The following MAP2K1 variants were observed in gnomAD, a reference collection of about 807,000 sequenced individuals.
MAP2K1 encodes the protein dual specificity mitogen-activated protein kinase kinase 1.
Under a neutral mutation model 46.3 loss-of-function variants are expected in MAP2K1, and 16 were observed. That is an observed-to-expected ratio of 0.35 (90% CI 0.23 to 0.52). The LOEUF (loss-of-function observed/expected upper bound fraction) is 0.52. MAP2K1 is among the 20% of genes least tolerant of loss of function. MAP2K1 has a pLI of 0.94. For missense variants in MAP2K1, 263 were observed against 497.1 expected, an observed-to-expected ratio of 0.53 and a Z score of 4.48; for synonymous variants, 183 against 185.6, an observed-to-expected ratio of 0.99 and a Z score of 0.11.
At chr15:66,397,115 C>T (rs2093369773) in intron 1 of MAP2K1, among the ~76,000 whole-genome samples, 1 of 148,486 alleles carries the variant, frequency 6.7e-6, no homozygotes, top group Non-Finnish European at 1.5e-5. Flanking sequence ...CGCCATTCTC[C>T]TGCCTCAGCT....
At chr15:66,395,071 C>T (rs949566018) in intron 1 of MAP2K1, among the ~76,000 whole-genome samples, 1 of 152,186 alleles carries the variant, frequency 6.6e-6, no homozygotes, top group Non-Finnish European at 1.5e-5. Context: ...GAAGAAGATA[C>T]TGTGGTAGAG....
rs544205621 is a variant in MAP2K1, at chr15:66,435,371, C to T, written c.291+134C>T. 243 of 558,134 alleles carry T rather than the reference C, an allele frequency of 4.4e-4. 2 individuals carry two copies. The highest frequency in any genetic ancestry group is 1.2e-3 in the Admixed American group (38 of 31,736). The allele number at this position is 558,134 out of a possible 1,614,324, so 34.6% of individuals were successfully genotyped here. A position where few individuals can be genotyped will look rare whatever the true frequency, so the allele number is the denominator to read the frequency against. On this transcript the variant is annotated intron_variant, in intron 2 of 10. Coordinates refer to ENST00000307102, the MANE Select transcript of MAP2K1 (RefSeq NM_002755.4). ...TTTGAATTTTTTTTTTTTTTTAAGA[C>T]GGAGTTTCATTCTTGTTGCCCAGGC...
rs67373670 is a variant in MAP2K1 at position 66,428,271 on chromosome 15, C to CGTGTGTGTGT, written c.81-6711_81-6702dup. 2.9e-3 allele frequency among the ~76,000 whole-genome samples: 360 copies of CGTGTGTGTGT among 122,374 alleles called. 4 individuals are homozygous for CGTGTGTGTGT. The highest frequency in any genetic ancestry group is 4.8e-3 in the Non-Finnish European group (286 of 59,070). 80.3% of individuals were successfully genotyped at this position (122,374 alleles called of 152,430 possible). On this transcript the variant is annotated intron_variant, in intron 1 of 10. Coordinates refer to ENST00000307102, the MANE Select transcript of MAP2K1 (RefSeq NM_002755.4). ...AGAAACAGAACCAACAGCAGTTGTG[C>CGTGTGTGTGT]GTGTGTGTGTGTGTGTGTGTGTGTG...
intron 1 of MAP2K1, among the ~76,000 whole-genome samples, chr15:66,389,423 A>G (rs1009356531): frequency 4.6e-5 from 7 of 152,056 alleles, no homozygotes; most frequent in African/African-American, 7.2e-5. Flanking sequence ...AAGGAGGAGG[A>G]ATTTCATTAA....
rs41277720 is a variant in MAP2K1, at chr15:66,481,637, G to A, written c.569-118G>A. The A allele has an allele frequency of 0.22, 252,738 of 1,164,884 alleles. 30,116 individuals are homozygous for A. Among genetic ancestry groups the A allele is most frequent in the Middle Eastern group, 0.28 (1,001 of 3,548 alleles). The allele number at this position is 1,164,884 out of a possible 1,614,324, so 72.2% of individuals were successfully genotyped here. On this transcript the variant is annotated intron_variant, in intron 5 of 10. Coordinates refer to ENST00000307102, the MANE Select transcript of MAP2K1 (RefSeq NM_002755.4). ...CAAGCCAAGGGCTGCCTCTGATGGC[G>A]GACGGGGGTGTGGTCCTGGGACTCG... is the stretch of plus-strand genomic sequence containing the variant.
At chr15:66,419,783 A>C (rs1207047115) in intron 1 of MAP2K1, among the ~76,000 whole-genome samples, 1 of 150,710 alleles carries the variant, frequency 6.6e-6, no homozygotes, top group Admixed American at 6.6e-5. Context: ...ATTTCAGAAG[A>C]CTGTTTGATT....
chr15:66,429,666 CCCCCCCCCCCCCGT>C (rs566802366), intron 1 of MAP2K1, among the ~76,000 whole-genome samples: 17,352 of 58,122 alleles, frequency 0.3, 4,445 homozygotes, highest in Non-Finnish European at 0.37. Flanking sequence ...ACTGCGGCGC[CCCCCCCCCCCCCGT>C]CCCCCCCAAC....
chr15:66,412,535 A>AT, intron 1 of MAP2K1, among the ~76,000 whole-genome samples: 1 of 152,164 alleles, frequency 6.6e-6, no homozygotes, highest in East Asian at 1.9e-4. Context: ...TCAAATGATA[A>AT]TTTTTACACT....
At chr15:66,487,718 GT>G (rs1449493977) in intron 8 of MAP2K1, among the ~76,000 whole-genome samples, 1 of 152,208 alleles carries the variant, frequency 6.6e-6, no homozygotes, top group Non-Finnish European at 1.5e-5. Context: ...TAGAAAAGCA[GT>G]TTCAGGATTA....
chr15:66,432,010 G>A (rs1025068254), intron 1 of MAP2K1, among the ~76,000 whole-genome samples: 25 of 152,232 alleles, frequency 1.6e-4, no homozygotes, highest in Non-Finnish European at 2.4e-4. Context: ...CCATGTTCCC[G>A]CAAAGGACGT....
At chr15:66,471,518 A>G (rs890013468) in intron 5 of MAP2K1, among the ~76,000 whole-genome samples, 2 of 152,234 alleles carry the variant, frequency 1.3e-5, no homozygotes, top group Non-Finnish European at 2.9e-5. Flanking sequence ...CTTCAGATCA[A>G]GGTTAGTGGT....
At chr15:66,484,678 CTG>C (rs1283250133) in intron 6 of MAP2K1, among the ~76,000 whole-genome samples, 1 of 149,502 alleles carries the variant, frequency 6.7e-6, no homozygotes, top group Non-Finnish European at 1.5e-5. Flanking sequence ...GTGTGCAAGA[CTG>C]TGGCCAAGCT....
intron 5 of MAP2K1, among the ~76,000 whole-genome samples, chr15:66,448,170 A>AAAC (rs1310709678): frequency 6.6e-6 from 1 of 151,578 alleles, no homozygotes; most frequent in Non-Finnish European, 1.5e-5. Context: ...AAAAAAAAAA[A>AAAC]AAACCCACTA....
intron 5 of MAP2K1, among the ~76,000 whole-genome samples, chr15:66,454,319 T>C (rs907198541): frequency 1.3e-5 from 2 of 152,172 alleles, no homozygotes; most frequent in African/African-American, 4.8e-5. Context: ...AGTGATAAAG[T>C]TGAAGGTTCA....
chr15:66,420,384 TG>T (rs35984396), intron 1 of MAP2K1, among the ~76,000 whole-genome samples: 8,552 of 151,934 alleles, frequency 0.056, 348 homozygotes, highest in Middle Eastern at 0.11. Context: ...CTGGGCAACA[TG>T]GCGAAACCCA....
intron 1 of MAP2K1, among the ~76,000 whole-genome samples, chr15:66,398,070 C>T (rs555583168): frequency 6.6e-6 from 1 of 151,400 alleles, no homozygotes; most frequent in Admixed American, 6.6e-5. Flanking sequence ...CCATTGCACT[C>T]CAGCCTGGGT....
At chr15:66,392,255 G>GTTTTTTTT (rs58831070) in intron 1 of MAP2K1, among the ~76,000 whole-genome samples, 13 of 97,756 alleles carry the variant, frequency 1.3e-4, no homozygotes, top group African/African-American at 5.0e-4. Flanking sequence ...TTTTTTTTGG[G>GTTTTTTTT]TTTTTTTTTT....
At chr15:66,390,940 T>C (rs2093354942) in intron 1 of MAP2K1, among the ~76,000 whole-genome samples, 1 of 152,090 alleles carries the variant, frequency 6.6e-6, no homozygotes, top group Non-Finnish European at 1.5e-5. Context: ...CACTCCTCCT[T>C]CCCTAGGTAG....
intron 5 of MAP2K1, among the ~76,000 whole-genome samples, chr15:66,461,328 TACAA>T (rs1892313538): frequency 6.6e-6 from 1 of 151,538 alleles, no homozygotes; most frequent in Non-Finnish European, 1.5e-5. Flanking sequence ...CAACTGAAAA[TACAA>T]AAATTAGCCG....
Sources: allele counts gnomAD v4.1 joint callset (sites outside exome capture counted in the v4.1 genomes callset), GRCh38; gene constraint gnomAD v4.1.1; transcripts MANE v1.5; gene names NCBI Gene and HGNC (gene_info 2026-07-23, HGNC 2026-07-21).